Variants in USP54 observed in about 807,000 individuals in gnomAD.
USP54 encodes ubiquitin carboxyl-terminal hydrolase 54.
In USP54, 87 loss-of-function variants were observed where a neutral mutation model predicts 170.5. The ratio of observed to expected loss-of-function variants is 0.51; its 90% CI spans 0.43 to 0.61. The LOEUF is 0.61. USP54 is among the 20% of genes least tolerant of loss of function. The pLI, the probability that USP54 is intolerant of heterozygous loss-of-function variation, is 0.00. For missense variants in USP54, 1,786 were observed against 2,047.8 expected, an observed-to-expected ratio of 0.87 and a Z score of 2.47; for synonymous variants, 655 against 742.8, an observed-to-expected ratio of 0.88 and a Z score of 1.92.
In USP54 at chr10:73,563,727, G is replaced by A. The variant is rs1339691912; in HGVS notation, c.240+7694C>T. On this transcript the variant is annotated intron_variant, in intron 4 of 23. Transcript: ENST00000687698. ...GCTGGGATTACAGGCGTGAGCCACC[G>A]CACCCAGCCTTTTATTTATTTTTTA... Among the ~76,000 whole-genome samples, 7 of 152,078 alleles carry A rather than the reference G, an allele frequency of 4.6e-5. No individual in the cohort carries two copies. In the South Asian group the frequency reaches 1.0e-3, roughly 23 times the overall value.
intron 10 of USP54, among the ~76,000 whole-genome samples, chr10:73,538,617 C>A (rs145821050): frequency 6.6e-6 from 1 of 152,050 alleles, no homozygotes; most frequent in East Asian, 1.9e-4. Flanking sequence ...GAGTTCCAGA[C>A]CAGCCTGGGT....
intron 22 of USP54, chr10:73,504,612 C>T: frequency 1.8e-6 from 1 of 563,134 alleles, no homozygotes; most frequent in Non-Finnish European, 3.1e-6. Flanking sequence ...CTTCTCACCC[C>T]AGGAAACCCT....
intron 4 of USP54, 52 bp downstream of exon 4, chr10:73,571,369 G>C: frequency 6.8e-7 from 1 of 1,464,000 alleles, no homozygotes; most frequent in Non-Finnish European, 9.5e-7. Flanking sequence ...CCTTGATATT[G>C]ACCATTTGGC....
chr10:73,528,674 A>G (rs1162522619), intron 15 of USP54, among the ~76,000 whole-genome samples: 3 of 151,188 alleles, frequency 2.0e-5, no homozygotes, highest in African/African-American at 7.3e-5. Context: ...GATTCCAGCG[A>G]TTCTCCTGCC....
At chr10:73,501,681 A>G (rs796836628) in intron 22 of USP54, among the ~76,000 whole-genome samples, 25 of 152,248 alleles carry the variant, frequency 1.6e-4, no homozygotes, top group African/African-American at 5.3e-4. Context: ...GTGGCCTACA[A>G]GGTCCTGTGT....
intron 4 of USP54, among the ~76,000 whole-genome samples, chr10:73,567,923 A>T (rs1245785379): frequency 6.6e-6 from 1 of 151,870 alleles, no homozygotes; most frequent in East Asian, 1.9e-4. Flanking sequence ...TTTATTTTTT[A>T]TTTTTTTAGA....
chr10:73,510,886 G>A (rs927062799), intron 20 of USP54, among the ~76,000 whole-genome samples: 2 of 152,130 alleles, frequency 1.3e-5, no homozygotes, highest in Non-Finnish European at 2.9e-5. Context: ...CAAGAGCAGT[G>A]TTTATATAAC....
intron 20 of USP54, among the ~76,000 whole-genome samples, chr10:73,509,362 G>A (rs1234782161): frequency 2.0e-5 from 3 of 151,440 alleles, no homozygotes; most frequent in Non-Finnish European, 4.4e-5. Flanking sequence ...AGCACTTTGG[G>A]AGGCCAAGGC....
At chr10:73,545,372 A>G (rs16930693) in intron 5 of USP54, among the ~76,000 whole-genome samples, 166 bp downstream of exon 5, 7,724 of 152,176 alleles carry the variant, frequency 0.051, 601 homozygotes, top group African/African-American at 0.17. Context: ...ATAATAACAC[A>G]CTGCTATAAC....
intron 1 of USP54, among the ~76,000 whole-genome samples, chr10:73,580,812 C>G (rs562942987): frequency 2.0e-5 from 3 of 152,136 alleles, no homozygotes; most frequent in African/African-American, 7.2e-5. Context: ...CTCCTGACTT[C>G]AGGTGATCCT....
At chr10:73,605,450 C>T (rs1589388685) in intron 1 of USP54, among the ~76,000 whole-genome samples, 1 of 151,926 alleles carries the variant, frequency 6.6e-6, no homozygotes, top group South Asian at 2.1e-4. Context: ...TCACTTGAGC[C>T]CAGAATATCG....
chr10:73,583,045 A>G lies in USP54; in HGVS notation c.-581-6684T>C, dbSNP rs537083745. On this transcript the variant is annotated intron_variant, in intron 1 of 23. Coordinates refer to ENST00000687698, the MANE Select transcript of USP54 (RefSeq NM_001391956.1). Reference sequence around the variant, plus strand: ...TAATCTCAGTCCAATCATCAGAAAAATATCAGACAAATCCAAATTAAGGAA... The same window carrying G: ...TAATCTCAGTCCAATCATCAGAAAAGTATCAGACAAATCCAAATTAAGGAA... 8.5e-5 allele frequency among the ~76,000 whole-genome samples: 13 copies of G among 152,354 alleles called. No individual in the cohort carries two copies. The East Asian group carries it at 2.5e-3, about 29-fold the overall frequency.
At position 73,507,714 on chromosome 10, in the gene USP54, G is replaced by T. The variant is rs115159558; in HGVS notation, c.4052-2288C>A. 8.5e-3 allele frequency among the ~76,000 whole-genome samples: 1,280 copies of T among 149,790 alleles called. 30 individuals carry two copies. The highest frequency in any genetic ancestry group is 0.029 in the African/African-American group (1,194 of 40,586). On this transcript the variant is annotated intron_variant, in intron 20 of 23. Coordinates refer to ENST00000687698, the MANE Select transcript of USP54 (RefSeq NM_001391956.1). The stretch of plus-strand genomic sequence containing the variant: ...AAAAAAATTACAGCTATGGCTGGCC[G>T]TGGTAGCTCATGCCTGTAATCCTAG...
chr10:73,611,928 G>A (rs1019187756), intron 1 of USP54, among the ~76,000 whole-genome samples: 7 of 152,030 alleles, frequency 4.6e-5, no homozygotes, highest in African/African-American at 1.7e-4. Context: ...GCACAACACA[G>A]TGACAACTCA....
intron 20 of USP54, among the ~76,000 whole-genome samples, chr10:73,508,972 G>GTTTTTTT (rs945752651): frequency 1.5e-5 from 2 of 133,562 alleles, no homozygotes; most frequent in African/African-American, 5.6e-5. Flanking sequence ...GCCAGAACAT[G>GTTTTTTT]TTTTTTTTTT....
In USP54 at chr10:73,499,023, G is replaced by C; in HGVS notation, c.4661C>G (p.Thr1554Ser). 10 of 1,614,166 alleles carry C rather than the reference G, an allele frequency of 6.2e-6. No homozygotes were observed. Among genetic ancestry groups the C allele is most frequent in the Non-Finnish European group, 8.5e-6 (10 of 1,180,036 alleles). The change falls in exon 24 of 24, where the codon ACC becomes AGC. Residue 1554 changes from threonine to serine, a missense_variant. Around this residue, in one of 3 missense-constraint regions of USP54, gnomAD observed 1,418 missense variants for 1,569.0 expected, o/e 0.90. Coordinates refer to ENST00000687698, the MANE Select transcript of USP54 (RefSeq NM_001391956.1). ...PWSETNQHIG[T>S]RFLTTPGCNP... Reference sequence around the variant, plus strand: ...GCACCCTGGAGTAGTCAGGAATCTGGTCCCAATATGCTGGTTGGTCTCTGA... The same window carrying C: ...GCACCCTGGAGTAGTCAGGAATCTGCTCCCAATATGCTGGTTGGTCTCTGA...
intron 4 of USP54, among the ~76,000 whole-genome samples, chr10:73,567,281 A>G (rs1282124014): frequency 6.6e-6 from 1 of 152,162 alleles, no homozygotes; most frequent in Non-Finnish European, 1.5e-5. Flanking sequence ...AATGTCTTAT[A>G]CCATTTTTGT....
At chr10:73,579,900 TG>T (rs1258614331) in intron 1 of USP54, among the ~76,000 whole-genome samples, 1 of 151,902 alleles carries the variant, frequency 6.6e-6, no homozygotes, top group African/African-American at 2.4e-5. Context: ...ATGAGGGAAA[TG>T]GAAATTAAAA....
At position 73,523,628 on chromosome 10, in the gene USP54, G is replaced by C; in HGVS notation, c.2317C>G (p.Pro773Ala). Residue 773 changes from proline (P) to alanine (A), a missense_variant, in exon 17 of 24, where the codon CCT becomes GCT. Physicochemically the swap from Pro to Ala is conservative, Grantham distance 27 (BLOSUM62 -1). Transcript: ENST00000687698. ...KELEAAKGFN[P>A]HPSRFMDLDE... ...AAGTCCATGAAGCGGCTAGGATGAG[G>C]GTTAAACCCTTTCGCTGCCTCTAAC... The C allele has an allele frequency of 1.2e-6, 2 of 1,613,190 alleles. No individual in the cohort carries two copies. The highest frequency in any genetic ancestry group is 1.7e-6 in the Non-Finnish European group (2 of 1,179,376).
Sources: allele counts gnomAD v4.1 joint callset (sites outside exome capture counted in the v4.1 genomes callset), GRCh38; gene constraint gnomAD v4.1.1; regional missense constraint gnomAD v4.1.1; transcripts MANE v1.5; gene names NCBI Gene and HGNC (gene_info 2026-07-23, HGNC 2026-07-21).